Variants in SDK1 observed in about 807,000 individuals in gnomAD.
SDK1 encodes the protein sidekick cell adhesion molecule 1.
SDK1 carries 157 observed loss-of-function variants against 245.5 expected under a neutral mutation model. The ratio of observed to expected loss-of-function variants is 0.64; its 90% confidence interval spans 0.56 to 0.73. The LOEUF (loss-of-function observed/expected upper bound fraction) is 0.73, where lower values mean the gene tolerates loss of function less well. Ranked by LOEUF, SDK1 falls within the 30% of genes least tolerant of loss-of-function variation. The pLI, the probability that SDK1 is intolerant of heterozygous loss-of-function variation, is 0.00. For synonymous variants in SDK1, 1,647 were observed against 1,278.5 expected, an observed-to-expected ratio of 1.29 and a Z score of -6.15; for missense variants, 3,583 against 3,002.3, an observed-to-expected ratio of 1.19 and a Z score of -4.52.
intron 17 of SDK1, among the ~76,000 whole-genome samples, chr7:4,045,119 A>G (rs554120712): frequency 6.6e-6 from 1 of 152,202 alleles, no homozygotes; most frequent in Non-Finnish European, 1.5e-5. Context: ...CCCTTCTACT[A>G]CTGAGCAGCA....
At chr7:4,254,500 C>A (rs1787510414) in intron 44 of SDK1, among the ~76,000 whole-genome samples, 1 of 152,060 alleles carries the variant, frequency 6.6e-6, no homozygotes, top group Non-Finnish European at 1.5e-5. Context: ...TATTGATATT[C>A]TTCAATTGTC....
At chr7:3,965,710 A>G (rs1386980435) in intron 9 of SDK1, among the ~76,000 whole-genome samples, 1 of 151,758 alleles carries the variant, frequency 6.6e-6, no homozygotes, top group Non-Finnish European at 1.5e-5. Context: ...GGACGAGATG[A>G]CTCCAGCCAG....
intron 5 of SDK1, among the ~76,000 whole-genome samples, chr7:3,929,159 T>C (rs1779885790): frequency 6.6e-6 from 1 of 152,258 alleles, no homozygotes; most frequent in Non-Finnish European, 1.5e-5. Flanking sequence ...TTGCCCTTGG[T>C]TAAACGGTTA....
At chr7:4,167,924 A>G (rs1249943893) in intron 32 of SDK1, among the ~76,000 whole-genome samples, 1 of 152,248 alleles carries the variant, frequency 6.6e-6, no homozygotes, top group Non-Finnish European at 1.5e-5. Flanking sequence ...ACCCAAATCT[A>G]GAGCCTGACC....
At chr7:3,784,852 G>A (rs1780851446) in intron 4 of SDK1, among the ~76,000 whole-genome samples, 1 of 152,146 alleles carries the variant, frequency 6.6e-6, no homozygotes, top group Non-Finnish European at 1.5e-5. Flanking sequence ...TCCCACCTCT[G>A]GGCATTTACC....
intron 4 of SDK1, among the ~76,000 whole-genome samples, chr7:3,789,551 A>G (rs892205995): frequency 9.9e-5 from 15 of 152,220 alleles, no homozygotes; most frequent in African/African-American, 3.6e-4. Flanking sequence ...TATTTTAGAA[A>G]CATTGGTCAC....
chr7:4,119,141 A>G (rs1203959983), intron 25 of SDK1, among the ~76,000 whole-genome samples: 2 of 148,808 alleles, frequency 1.3e-5, no homozygotes, highest in African/African-American at 4.9e-5. Context: ...AATTTTATAC[A>G]GATAAAATGT....
At chr7:3,380,525 G>A (rs1258025935) in intron 1 of SDK1, among the ~76,000 whole-genome samples, 1 of 152,160 alleles carries the variant, frequency 6.6e-6, no homozygotes, top group East Asian at 1.9e-4. Context: ...GTTCAGTTTG[G>A]CCAACTTTGG....
At chr7:3,902,469 G>C (rs1487779396) in intron 5 of SDK1, among the ~76,000 whole-genome samples, 9 of 152,114 alleles carry the variant, frequency 5.9e-5, no homozygotes, top group African/African-American at 2.2e-4. Flanking sequence ...GGTTCTTCTT[G>C]TGCCTGGAAG....
intron 1 of SDK1, among the ~76,000 whole-genome samples, chr7:3,418,186 G>A (rs899136485): frequency 1.3e-5 from 2 of 149,168 alleles, no homozygotes; most frequent in South Asian, 4.2e-4. Context: ...GCTGGGTGGT[G>A]CGTGCCTGTA....
chr7:4,010,222 G>A (rs1015046271), intron 14 of SDK1, among the ~76,000 whole-genome samples: 5 of 152,236 alleles, frequency 3.3e-5, no homozygotes, highest in Non-Finnish European at 7.3e-5. Context: ...CCAAGACTTT[G>A]TTCATTCCAG....
At chr7:4,174,599 G>GT (rs1782067309) in intron 33 of SDK1, among the ~76,000 whole-genome samples, 1 of 152,170 alleles carries the variant, frequency 6.6e-6, no homozygotes, top group Non-Finnish European at 1.5e-5. Context: ...GTGTTAAGGG[G>GT]AGAGCAGTTG....
At chr7:4,105,792 G>A (rs1782863703) in intron 22 of SDK1, among the ~76,000 whole-genome samples, 1 of 152,176 alleles carries the variant, frequency 6.6e-6, no homozygotes, top group Non-Finnish European at 1.5e-5. Context: ...TTCCAAAGGA[G>A]TCAGCCAGTT....
At position 3,387,128 on chromosome 7, in the gene SDK1, C is replaced by G. The variant is rs192319672; in HGVS notation, c.298+85244C>G. 4.2e-3 allele frequency among the ~76,000 whole-genome samples: 635 copies of G among 152,276 alleles called. 9 individuals carry two copies. Among genetic ancestry groups the G allele is most frequent in the South Asian group, 0.018 (87 of 4,828 alleles). ...CAGCCCCAAGTTGGTGTGCATGGTGCTAGGGCATGATTTCAGGCCCGACTC... is the reference window on the plus strand; with the variant it reads ...CAGCCCCAAGTTGGTGTGCATGGTGGTAGGGCATGATTTCAGGCCCGACTC... On this transcript the variant is annotated intron_variant, in intron 1 of 44. Transcript: ENST00000404826.
intron 4 of SDK1, among the ~76,000 whole-genome samples, chr7:3,681,128 C>T (rs1222320886): frequency 1.3e-5 from 2 of 152,218 alleles, no homozygotes; most frequent in Non-Finnish European, 2.9e-5. Flanking sequence ...AGGCGTGAGC[C>T]ACCGCGCCCG....
At chr7:3,745,636 G>T (rs938773379) in intron 4 of SDK1, among the ~76,000 whole-genome samples, 1 of 152,008 alleles carries the variant, frequency 6.6e-6, no homozygotes, top group Non-Finnish European at 1.5e-5. Context: ...CAACTGATCC[G>T]CCATGACAGA....
At chr7:3,628,509 G>C (rs150607055) in intron 2 of SDK1, among the ~76,000 whole-genome samples, 63 of 152,174 alleles carry the variant, frequency 4.1e-4, no homozygotes, top group Non-Finnish European at 6.8e-4. Flanking sequence ...ATGCATGTTT[G>C]ACTCTTCTTT....
intron 1 of SDK1, among the ~76,000 whole-genome samples, chr7:3,324,866 G>GT (rs1779902744): frequency 1.3e-5 from 2 of 152,074 alleles, no homozygotes; most frequent in African/African-American, 4.8e-5. Flanking sequence ...AGTTTCTTAC[G>GT]TTTGAAAGAA....
chr7:3,702,785 A>T (rs1003090774), intron 4 of SDK1, among the ~76,000 whole-genome samples: 1 of 152,160 alleles, frequency 6.6e-6, no homozygotes, highest in Non-Finnish European at 1.5e-5. Context: ...ATTTTTACTC[A>T]TGGTACTCCT....
Sources: gnomAD v4.1 joint callset for allele counts (sites outside exome capture counted in the v4.1 genomes callset) on GRCh38, gnomAD v4.1.1 for gene constraint, MANE v1.5 for transcripts, NCBI Gene and HGNC (gene_info 2026-07-23, HGNC 2026-07-21) for gene names.